NNT: variants seen among roughly 807,000 people sequenced by gnomAD.
The protein encoded by NNT is nicotinamide nucleotide transhydrogenase.
In NNT, 50 loss-of-function variants were observed where a neutral mutation model predicts 104.8. That is an observed-to-expected ratio of 0.48 (90% CI 0.38 to 0.60). The LOEUF (loss-of-function observed/expected upper bound fraction) is 0.60, where lower values mean the gene tolerates loss of function less well. NNT is among the 20% of genes least tolerant of loss of function. The probability of loss-of-function intolerance (pLI) is 0.00; values close to 1 mark genes in which losing one functional copy is unlikely to be tolerated. For missense variants in NNT, 1,131 were observed against 1,330.7 expected (o/e 0.85, Z 2.33); for synonymous variants, 461 against 490.4 (o/e 0.94, Z 0.79).
chr5:43,700,076 G>A, intron 19 of NNT, 43 bp from the exon 20 acceptor site: 1 of 1,492,886 alleles, frequency 6.7e-7, no homozygotes, highest in Non-Finnish European at 9.3e-7. Flanking sequence ...TGTACATTAT[G>A]TCCTGTCAAG....
intron 19 of NNT, among the ~76,000 whole-genome samples, chr5:43,695,485 T>C (rs953040314): frequency 6.6e-6 from 1 of 152,232 alleles, no homozygotes; most frequent in Non-Finnish European, 1.5e-5. Context: ...CTGTGCCTTA[T>C]GCATCTAGAT....
chr5:43,691,070 A>AGAGTGT (rs1245517310), intron 19 of NNT, among the ~76,000 whole-genome samples: 112 of 137,502 alleles, frequency 8.1e-4, no homozygotes, highest in South Asian at 1.5e-3. Flanking sequence ...TTTTTGAGAG[A>AGAGTGT]GTGTGTGTGT....
intron 17 of NNT, among the ~76,000 whole-genome samples, chr5:43,668,330 G>A (rs1414232682): frequency 6.6e-6 from 1 of 151,698 alleles, no homozygotes; most frequent in Non-Finnish European, 1.5e-5. Context: ...ATTGCTTTTG[G>A]AGTTTTATAC....
intron 19 of NNT, among the ~76,000 whole-genome samples, chr5:43,685,493 T>A (rs13183238): frequency 0.067 from 10,180 of 152,102 alleles, 448 homozygotes; most frequent in East Asian, 0.2. Context: ...TTATTTTTTT[T>A]AAAAAAATCT....
At chr5:43,631,253 G>A (rs967874271) in intron 7 of NNT, among the ~76,000 whole-genome samples, 2 of 152,134 alleles carry the variant, frequency 1.3e-5, no homozygotes, top group African/African-American at 4.8e-5. Flanking sequence ...TTCTGGAGGT[G>A]CATGCAGATC....
chr5:43,668,662 A>G (rs1343330934), intron 17 of NNT, among the ~76,000 whole-genome samples: 1 of 152,168 alleles, frequency 6.6e-6, no homozygotes, highest in African/African-American at 2.4e-5. Context: ...TACCAGTACC[A>G]TGCTGTTTTG....
rs1743122572 is a variant in NNT at position 43,707,361 on chromosome 5, A to G, written c.*2957A>G. The G allele has an allele frequency of 6.6e-6, 1 of 152,146 alleles. No homozygotes were observed. The highest frequency in any genetic ancestry group is 1.5e-5 in the Non-Finnish European group (1 of 68,012). The allele number at this position is 152,146 out of a possible 1,614,324, so 9.4% of individuals were successfully genotyped here. A position where few individuals can be genotyped will look rare whatever the true frequency, so the allele number is the denominator to read the frequency against. ...CCACAATGTATATATACTTAAAAAT[A>G]TGTTATACACAATAAATACATACAT... On this transcript the variant is annotated 3_prime_UTR_variant, in exon 22 of 22. Transcript: ENST00000344920.
At chr5:43,693,698 C>T (rs1433964030) in intron 19 of NNT, among the ~76,000 whole-genome samples, 2 of 152,016 alleles carry the variant, frequency 1.3e-5, no homozygotes, top group African/African-American at 2.4e-5. Flanking sequence ...AATCTTGTTT[C>T]TAGAGAATTA....
intron 19 of NNT, among the ~76,000 whole-genome samples, chr5:43,681,139 A>G (rs1444842540): frequency 6.6e-6 from 1 of 151,364 alleles, no homozygotes; most frequent in Non-Finnish European, 1.5e-5. Context: ...GGGCACCTGT[A>G]GTCCCAGCTA....
Position 43,655,843 on chromosome 5 carries a change from T to G in NNT, c.2063T>G (p.Leu688Trp), listed in dbSNP as rs1313691502. ...GAMALGGTIG[L>W]TIAKRIQISD... Reference sequence around the variant, plus strand: ...TATTTTTGACCTTTCATAACAGGATTGACAATTGCCAAACGCATCCAGATT... The same window carrying G: ...TATTTTTGACCTTTCATAACAGGATGGACAATTGCCAAACGCATCCAGATT... The change falls in exon 15 of 22, where the codon TTG (leucine) becomes TGG (tryptophan). Residue 688 changes from leucine (L) to tryptophan (W), a missense_variant. Leu to Trp is a moderately conservative substitution (Grantham distance 61). Transcript: ENST00000344920. 5 of 1,612,868 alleles carry G rather than the reference T, an allele frequency of 3.1e-6. No homozygotes were observed. The South Asian group carries it at 3.3e-5, about 11-fold the overall frequency.
chr5:43,680,463 C>T lies in NNT; in HGVS notation c.2876+2657C>T, dbSNP rs540776122. Among the ~76,000 whole-genome samples the T allele has an allele frequency of 7.2e-5, 11 of 152,266 alleles. No individual in the cohort carries two copies. In the East Asian group the frequency reaches 2.1e-3, roughly 29 times the overall value. ...CTGGAGTTAGCAGGTCTTTGTGCCT[C>T]AGGACCCCAGCATGCCTAGCATCCA... On this transcript the variant is annotated intron_variant, in intron 19 of 21. Coordinates refer to ENST00000344920, the MANE Select transcript of NNT (RefSeq NM_182977.3).
intron 10 of NNT, 125 bp downstream of exon 10, chr5:43,645,635 C>G: frequency 5.4e-6 from 1 of 185,236 alleles, no homozygotes; most frequent in Non-Finnish European, 9.5e-6. Flanking sequence ...ACATATATAT[C>G]TACACATCTA....
intron 19 of NNT, among the ~76,000 whole-genome samples, chr5:43,698,508 A>G (rs984092384): frequency 1.6e-4 from 25 of 151,894 alleles, no homozygotes; most frequent in African/African-American, 6.1e-4. Flanking sequence ...GCCTTGGGCA[A>G]ATAATTATCT....
rs554701700 is a variant in NNT, at chr5:43,656,311, A to G, written c.2293+238A>G. Among the ~76,000 whole-genome samples, 4 of 152,264 alleles carry G rather than the reference A, an allele frequency of 2.6e-5. No individual in the cohort carries two copies. In the South Asian group the frequency reaches 8.3e-4, roughly 32 times the overall value. On this transcript the variant is annotated intron_variant, in intron 15 of 21. Coordinates refer to ENST00000344920, the MANE Select transcript of NNT (RefSeq NM_182977.3). The stretch of plus-strand genomic sequence containing the variant: ...AAAATAAAATATTACTACTAATAAA[A>G]AAGATTAAAAAAAATGCCTTAACAG...
intron 3 of NNT, 172 bp downstream of exon 3, chr5:43,613,309 T>G: frequency 1.7e-6 from 1 of 584,356 alleles, no homozygotes; most frequent in South Asian, 2.3e-5. Context: ...CAGTAAAACT[T>G]TTATCAGACA....
chr5:43,615,029 C>T (rs910091932), intron 3 of NNT, among the ~76,000 whole-genome samples: 1 of 151,230 alleles, frequency 6.6e-6, no homozygotes, highest in African/African-American at 2.4e-5. Flanking sequence ...CCCAGCTACT[C>T]GGGAGGCTGA....
intron 17 of NNT, among the ~76,000 whole-genome samples, chr5:43,661,027 G>A (rs941535059): frequency 7.2e-5 from 11 of 152,166 alleles, no homozygotes; most frequent in African/African-American, 2.7e-4. Flanking sequence ...TTGGAAGGCT[G>A]AAGTATCTTT....
chr5:43,666,552 G>A (rs928159184), intron 17 of NNT, among the ~76,000 whole-genome samples: 2 of 150,974 alleles, frequency 1.3e-5, no homozygotes, highest in Admixed American at 1.3e-4. Flanking sequence ...GTACAGTCCA[G>A]CCTCAGCTCG....
At chr5:43,610,442 T>C (rs1426020279) in intron 2 of NNT, among the ~76,000 whole-genome samples, 1 of 152,174 alleles carries the variant, frequency 6.6e-6, no homozygotes, top group African/African-American at 2.4e-5. Flanking sequence ...GGACATTTTG[T>C]CTTTTATTCT....
Sources: allele counts gnomAD v4.1 joint callset (sites outside exome capture counted in the v4.1 genomes callset), GRCh38; gene constraint gnomAD v4.1.1; transcripts MANE v1.5; gene names NCBI Gene and HGNC (gene_info 2026-07-23, HGNC 2026-07-21).